Variants in MYOM2 observed in about 807,000 individuals in gnomAD.
MYOM2 encodes myomesin-2.
Under a neutral mutation model 187.6 loss-of-function variants are expected in MYOM2, and 254 were observed. The ratio of observed to expected loss-of-function variants is 1.35; its 90% CI spans 1.22 to 1.50. MYOM2 has a LOEUF of 1.50. Ranked by LOEUF, MYOM2 falls within the 40% of genes most tolerant of loss-of-function variation. The pLI, the probability that MYOM2 is intolerant of heterozygous loss-of-function variation, is 0.00. For missense variants in MYOM2, 2,796 were observed against 1,924.0 expected, an observed-to-expected ratio of 1.45 and a Z score of -8.48; for synonymous variants, 981 against 753.8, an observed-to-expected ratio of 1.30 and a Z score of -4.94.
chr8:2,104,587 G>A (rs969613488), intron 21 of MYOM2, among the ~76,000 whole-genome samples: 16 of 151,448 alleles, frequency 1.1e-4, no homozygotes, highest in Non-Finnish European at 2.9e-5. Flanking sequence ...CCTGGGCAAC[G>A]GAGCAAGACT....
intron 18 of MYOM2, among the ~76,000 whole-genome samples, chr8:2,097,696 C>A (rs112511695): frequency 0.019 from 2,935 of 152,132 alleles, 59 homozygotes; most frequent in African/African-American, 0.049. Flanking sequence ...TGTATTATTT[C>A]AGTAGAGACA....
chr8:2,109,610 A>G, intron 25 of MYOM2, 79 bp downstream of exon 25: 21 of 1,438,680 alleles, frequency 1.5e-5, no homozygotes, highest in Non-Finnish European at 2.0e-5. Flanking sequence ...GAATATCAAC[A>G]TTCTCTGTCT....
At chr8:2,120,313 G>A (rs1205960468) in intron 28 of MYOM2, among the ~76,000 whole-genome samples, 2 of 152,006 alleles carry the variant, frequency 1.3e-5, no homozygotes, top group Admixed American at 6.6e-5. Flanking sequence ...GTGAGGCCAG[G>A]CGGGATAAAT....
In MYOM2 at chr8:2,090,237, T is replaced by A. The variant is rs756813970; in HGVS notation, c.1828+46T>A. The A allele has an allele frequency of 2.6e-6, 4 of 1,561,194 alleles. No homozygotes were observed. The South Asian group carries it at 4.6e-5, about 18-fold the overall frequency. ...GCCCCAAGTCAGGATGGACTAAGAG[T>A]GGGGTGACACCAAATAGCCTTAAAT... On this transcript the variant is annotated intron_variant, in intron 15 of 36. Coordinates refer to ENST00000262113, the MANE Select transcript of MYOM2 (RefSeq NM_003970.4).
Position 2,100,873 on chromosome 8 carries a change from C to A in MYOM2, c.2441-3C>A, listed in dbSNP as rs1340786211. On this transcript the variant is annotated splice_region_variant and splice_polypyrimidine_tract_variant and intron_variant, in intron 19 of 36. Transcript: ENST00000262113. ...AGAAACAAGGTGGCATCTGACTTCA[C>A]AGGTCCTGCCTACGACTTGACGTTC... 1 of 1,614,050 alleles carries A rather than the reference C, an allele frequency of 6.2e-7. No individual in the cohort carries two copies. The highest frequency in any genetic ancestry group is 1.3e-5 in the African/African-American group (1 of 75,044).
At chr8:2,136,740 G>C (rs1408400060) in intron 32 of MYOM2, among the ~76,000 whole-genome samples, 2 of 152,158 alleles carry the variant, frequency 1.3e-5, no homozygotes, top group Non-Finnish European at 2.9e-5. Flanking sequence ...GCGTGAAGGT[G>C]TACCTTTTTC....
At chr8:2,104,603 TA>T (rs551349219) in intron 21 of MYOM2, among the ~76,000 whole-genome samples, 523 of 140,842 alleles carry the variant, frequency 3.7e-3, no homozygotes, top group Non-Finnish European at 4.0e-3. Context: ...AGACTCCATT[TA>T]AAAAAAAAAA....
chr8:2,077,926 G>C (rs916304758), intron 11 of MYOM2, among the ~76,000 whole-genome samples: 1 of 152,138 alleles, frequency 6.6e-6, no homozygotes, highest in African/African-American at 2.4e-5. Flanking sequence ...GGCTAAAACA[G>C]CCCATGACAT....
At chr8:2,113,195 G>C (rs115130991) in intron 25 of MYOM2, among the ~76,000 whole-genome samples, 2,868 of 152,336 alleles carry the variant, frequency 0.019, 43 homozygotes, top group Non-Finnish European at 0.029. Context: ...CGAGTCCCGC[G>C]CTGGACATTG....
At chr8:2,048,173 C>A (rs998288455) in intron 1 of MYOM2, among the ~76,000 whole-genome samples, 1 of 152,242 alleles carries the variant, frequency 6.6e-6, no homozygotes, top group African/African-American at 2.4e-5. Context: ...TGAGCCCCTG[C>A]TGCAATAGCA....
At chr8:2,085,743 C>T (rs1424885953) in intron 14 of MYOM2, among the ~76,000 whole-genome samples, 1 of 5,870 alleles carries the variant, frequency 1.7e-4, no homozygotes, top group African/African-American at 1.5e-3. Flanking sequence ...GTTGTGATCT[C>T]TGCGTGGCCC....
At chr8:2,088,412 TG>T (rs1242755400) in intron 14 of MYOM2, among the ~76,000 whole-genome samples, 10 of 152,198 alleles carry the variant, frequency 6.6e-5, no homozygotes, top group African/African-American at 1.7e-4. Context: ...ACCCCATAGG[TG>T]GTTTTTCAGC....
chr8:2,145,006 G>A lies in MYOM2; in HGVS notation c.*25G>A. 6.2e-7 allele frequency: 1 copy of A among 1,608,868 alleles called. No homozygotes were observed. Among genetic ancestry groups the A allele is most frequent in the Non-Finnish European group, 8.5e-7 (1 of 1,178,464 alleles). On this transcript the variant is annotated 3_prime_UTR_variant, in exon 37 of 37. Coordinates refer to ENST00000262113, the MANE Select transcript of MYOM2 (RefSeq NM_003970.4). ...AAGGCGTTTTCCTAGCCTGGAGATG[G>A]GAAAATATGCTTGGCAGAGACAGGA...
chr8:2,076,041 C>G (rs375737615), intron 10 of MYOM2, 100 bp from the exon 11 acceptor site: 3 of 1,181,868 alleles, frequency 2.5e-6, no homozygotes, highest in East Asian at 2.6e-5. Flanking sequence ...GTGGTCAAAT[C>G]AAGGGGATAG....
intron 36 of MYOM2, 83 bp downstream of exon 36, chr8:2,143,539 GA>G (rs1798352918): frequency 6.5e-7 from 1 of 1,545,788 alleles, no homozygotes. Flanking sequence ...GGAGCAGAGG[GA>G]ACCCAGTGAG....
At chr8:2,120,669 T>TAA (rs1342903303) in intron 28 of MYOM2, among the ~76,000 whole-genome samples, 1 of 19,142 alleles carries the variant, frequency 5.2e-5, no homozygotes, top group African/African-American at 1.7e-4. Context: ...TATATATATA[T>TAA]ATATATTATA....
intron 23 of MYOM2, 35 bp downstream of exon 23, chr8:2,106,632 G>A: frequency 6.9e-7 from 1 of 1,455,900 alleles, no homozygotes; most frequent in Non-Finnish European, 9.4e-7. Context: ...GCCTGTTTTG[G>A]TTTTATCACA....
At chr8:2,120,828 A>G (rs1797428327) in intron 28 of MYOM2, among the ~76,000 whole-genome samples, 1 of 149,340 alleles carries the variant, frequency 6.7e-6, no homozygotes, top group Admixed American at 6.7e-5. Context: ...ATTAGTGATA[A>G]CTAGAGCTAA....
At chr8:2,108,662 C>T (rs1585920594) in intron 23 of MYOM2, 124 bp from the exon 24 acceptor site, 1 of 911,486 alleles carries the variant, frequency 1.1e-6, no homozygotes, top group Non-Finnish European at 1.8e-6. Context: ...AGTTTAAATT[C>T]CTTTCGTGTC....
Sources: gnomAD v4.1 joint callset for allele counts (sites outside exome capture counted in the v4.1 genomes callset) on GRCh38, gnomAD v4.1.1 for gene constraint, MANE v1.5 for transcripts, NCBI Gene and HGNC (gene_info 2026-07-23, HGNC 2026-07-21) for gene names.